PCDHGA2: variants seen among roughly 807,000 people sequenced by gnomAD.
The protein encoded by PCDHGA2 is protocadherin gamma-A2.
In PCDHGA2, 40 loss-of-function variants were observed where a neutral mutation model predicts 59.2. That is an observed-to-expected ratio of 0.68 (90% CI 0.52 to 0.88). The LOEUF (loss-of-function observed/expected upper bound fraction) is 0.88. Among genes scored for constraint, PCDHGA2 ranks in the 40% least tolerant of loss-of-function variants. The pLI is 0.00. For missense variants in PCDHGA2, 1,226 were observed against 1,204.0 expected, an observed-to-expected ratio of 1.02 and a Z score of -0.27; for synonymous variants, 560 against 526.0, an observed-to-expected ratio of 1.06 and a Z score of -0.89.
chr5:141,365,310 T>C (rs1471610081), intron 1 of PCDHGA2: 1 of 1,613,896 alleles, frequency 6.2e-7, no homozygotes, highest in Admixed American at 1.7e-5. Flanking sequence ...GGAGGCGCTC[T>C]TGTTGCCAGC....
At chr5:141,405,114 C>T in intron 1 of PCDHGA2, 1 of 1,613,970 alleles carries the variant, frequency 6.2e-7, no homozygotes, top group Non-Finnish European at 8.5e-7. Flanking sequence ...CACTGGCACT[C>T]CTCGCATCTG....
At position 141,491,265 on chromosome 5, in the gene PCDHGA2, C is replaced by G. The variant is rs868682993; in HGVS notation, c.2425-3542C>G. ...AGGATGAGGACCCTGAGGAAATGCCCAAATCCAGTGACTTCCTCATACACC... is the reference window on the plus strand; with the variant it reads ...AGGATGAGGACCCTGAGGAAATGCCGAAATCCAGTGACTTCCTCATACACC... On this transcript the variant is annotated intron_variant, in intron 1 of 3. Transcript: ENST00000394576. The surrounding 1 kb of genome is among the most constrained non-coding windows in gnomAD (Gnocchi z 6.9). The G allele has an allele frequency of 6.2e-7, 1 of 1,614,074 alleles. No individual in the cohort carries two copies. The highest frequency in any genetic ancestry group is 8.5e-7 in the Non-Finnish European group (1 of 1,179,916).
Position 141,487,892 on chromosome 5 carries a change from T to A in PCDHGA2, c.2425-6915T>A. On this transcript the variant is annotated intron_variant, in intron 1 of 3. Coordinates refer to ENST00000394576, the MANE Select transcript of PCDHGA2 (RefSeq NM_018915.4). The surrounding 1 kb of genome is among the most constrained non-coding windows in gnomAD (Gnocchi z 5.0). The stretch of plus-strand genomic sequence containing the variant: ...GAGCCAGGCTGTTGTGGAAGCATGA[T>A]GATGGAATGTGGGAGCACAGGAGGC... 1 of 731,410 alleles carries A rather than the reference T, an allele frequency of 1.4e-6. No homozygotes were observed. Among genetic ancestry groups the A allele is most frequent in the South Asian group, 1.8e-5 (1 of 54,120 alleles). The allele number at this position is 731,410 out of a possible 1,614,324, so 45.3% of individuals were successfully genotyped here. A position where few individuals can be genotyped will look rare whatever the true frequency, so the allele number is the denominator to read the frequency against.
intron 1 of PCDHGA2, chr5:141,426,795 C>G (rs1214340018): frequency 2.2e-6 from 1 of 456,700 alleles, no homozygotes. Context: ...GAGTTACCAG[C>G]TCAGTTCTAA....
At chr5:141,347,353 CTA>C (rs1243645400) in intron 1 of PCDHGA2, among the ~76,000 whole-genome samples, 3 of 152,030 alleles carry the variant, frequency 2.0e-5, no homozygotes, top group South Asian at 4.2e-4. Flanking sequence ...GGGGCAATTG[CTA>C]TGTTTCCCAG....
chr5:141,491,666 G>A lies in PCDHGA2; in HGVS notation c.2425-3141G>A, dbSNP rs373526771. 9.4e-5 allele frequency: 152 copies of A among 1,613,614 alleles called. No homozygotes were observed. The highest frequency in any genetic ancestry group is 1.2e-4 in the Non-Finnish European group (142 of 1,180,016). The stretch of plus-strand genomic sequence containing the variant: ...CTGGCGCTGGAGCCTGACGCCATCC[G>A]GTCCCGCTCTAATACGCTGCGGGAG... On this transcript the variant is annotated intron_variant, in intron 1 of 3. Coordinates refer to ENST00000394576, the MANE Select transcript of PCDHGA2 (RefSeq NM_018915.4). This position sits in a 1 kb window ranked among gnomAD's most constrained non-coding sequence, Gnocchi z 6.9.
intron 1 of PCDHGA2, chr5:141,383,358 G>C (rs773383689): frequency 8.7e-6 from 14 of 1,613,864 alleles, no homozygotes; most frequent in Middle Eastern, 1.6e-4. Context: ...TTCGGTTTCC[G>C]TTAAGCGAGG....
chr5:141,486,019 T>C lies in PCDHGA2; in HGVS notation c.2425-8788T>C, dbSNP rs2078071. 3.2e-3 allele frequency: 5,143 copies of C among 1,613,986 alleles called. 141 individuals carry two copies. In the South Asian group the frequency reaches 0.046, roughly 14 times the overall value. ...GTGGTAACGTCACCTTTTATTTCAG[T>C]GGTCATACCCCTGATCGTGTAAGAA... On this transcript the variant is annotated intron_variant, in intron 1 of 3. Transcript: ENST00000394576. The surrounding 1 kb of genome is among the most constrained non-coding windows in gnomAD (Gnocchi z 5.0).
In PCDHGA2 at chr5:141,432,272, G is replaced by A. The variant is rs772255343; in HGVS notation, c.2425-62535G>A. On this transcript the variant is annotated intron_variant, in intron 1 of 3. Transcript: ENST00000394576. The surrounding 1 kb of genome is among the most constrained non-coding windows in gnomAD (Gnocchi z 6.0). ...CCAAGGGGCAAGCCTATCGTCCTAC[G>A]TGTCCATCAACTCCGACACTGGGGT... 1 of 1,614,210 alleles carries A rather than the reference G, an allele frequency of 6.2e-7. No individual in the cohort carries two copies. Among genetic ancestry groups the A allele is most frequent in the South Asian group, 1.1e-5 (1 of 91,086 alleles).
chr5:141,369,703 A>C (rs757750981), intron 1 of PCDHGA2, among the ~76,000 whole-genome samples: 1 of 152,372 alleles, frequency 6.6e-6, no homozygotes, highest in East Asian at 1.9e-4. Context: ...AAAAGCTATG[A>C]CATTATAACT....
At chr5:141,389,439 G>C (rs201120335) in intron 1 of PCDHGA2, 1 of 1,610,580 alleles carries the variant, frequency 6.2e-7, no homozygotes, top group Non-Finnish European at 8.5e-7. Flanking sequence ...GCGCGCCTTC[G>C]ACCACGAGCA....
chr5:141,353,771 T>C, intron 1 of PCDHGA2, among the ~76,000 whole-genome samples: 1 of 152,240 alleles, frequency 6.6e-6, no homozygotes, highest in South Asian at 2.1e-4. Flanking sequence ...TTTTAATGCA[T>C]ACTGTCAAAT....
In PCDHGA2 at chr5:141,491,729, C is replaced by T. The variant is rs766649819; in HGVS notation, c.2425-3078C>T. On this transcript the variant is annotated intron_variant, in intron 1 of 3. Coordinates refer to ENST00000394576, the MANE Select transcript of PCDHGA2 (RefSeq NM_018915.4). This position sits in a 1 kb window ranked among gnomAD's most constrained non-coding sequence, Gnocchi z 6.9. ...AGGGGCTCGGCGCCGCCCCGGGCGA[C>T]CCCTGGGGGCGGCACTGGAGAAGCC... 6.1e-5 allele frequency: 98 copies of T among 1,603,832 alleles called. No homozygotes were observed. Among genetic ancestry groups the T allele is most frequent in the Non-Finnish European group, 7.9e-5 (93 of 1,175,848 alleles).
intron 1 of PCDHGA2, among the ~76,000 whole-genome samples, chr5:141,469,170 G>A (rs2099192781): frequency 6.6e-6 from 1 of 152,042 alleles, no homozygotes; most frequent in South Asian, 2.1e-4. Context: ...CAGCTACTTG[G>A]GAGGCTGAGG....
Position 141,431,877 on chromosome 5 carries a change from AC to A in PCDHGA2, c.2425-62928del. 1 of 1,614,230 alleles carries A rather than the reference AC, an allele frequency of 6.2e-7. No individual in the cohort carries two copies. The highest frequency in any genetic ancestry group is 1.3e-5 in the African/African-American group (1 of 75,070). ...TTAATTGCCCTTTTAAATGTAAATGACCAAGATTCTGAGGAAAACGGACAGG... is the reference window on the plus strand; with the variant it reads ...TTAATTGCCCTTTTAAATGTAAATGACAAGATTCTGAGGAAAACGGACAGG... On this transcript the variant is annotated intron_variant, in intron 1 of 3. Coordinates refer to ENST00000394576, the MANE Select transcript of PCDHGA2 (RefSeq NM_018915.4). The surrounding 1 kb of genome is among the most constrained non-coding windows in gnomAD (Gnocchi z 4.8).
chr5:141,400,236 G>C (rs1195592972), intron 1 of PCDHGA2: 6 of 1,613,868 alleles, frequency 3.7e-6, no homozygotes, highest in African/African-American at 1.3e-5. Flanking sequence ...TCCTGGCCGT[G>C]ATTCTGGCCG....
Position 141,487,622 on chromosome 5 carries a change from C to A in PCDHGA2, c.2425-7185C>A. 1 of 1,614,174 alleles carries A rather than the reference C, an allele frequency of 6.2e-7. No homozygotes were observed. Among genetic ancestry groups the A allele is most frequent in the Non-Finnish European group, 8.5e-7 (1 of 1,180,030 alleles). ...TCTTCTCTATGGGCTAGAGGTGAGACCTTTGCAGGCTCAACAAATGCTTGA... is the reference window on the plus strand; with the variant it reads ...TCTTCTCTATGGGCTAGAGGTGAGAACTTTGCAGGCTCAACAAATGCTTGA... On this transcript the variant is annotated intron_variant, in intron 1 of 3. Transcript: ENST00000394576. The surrounding 1 kb of genome is among the most constrained non-coding windows in gnomAD (Gnocchi z 5.0).
intron 1 of PCDHGA2, chr5:141,377,170 T>C (rs1773747669): frequency 1.3e-5 from 2 of 152,264 alleles, no homozygotes; most frequent in Non-Finnish European, 2.9e-5. Context: ...TTTACCTTTC[T>C]CTTCTTGGCA....
chr5:141,501,664 TATAG>T (rs1161034391), intron 2 of PCDHGA2, among the ~76,000 whole-genome samples: 1 of 152,064 alleles, frequency 6.6e-6, no homozygotes, highest in East Asian at 1.9e-4. Flanking sequence ...TGTTGGAAAA[TATAG>T]ATAATCACAA....
Sources: gnomAD v4.1 joint callset for allele counts (sites outside exome capture counted in the v4.1 genomes callset) on GRCh38, gnomAD v4.1.1 for gene constraint, Gnocchi (gnomAD v3.1) non-coding constraint, MANE v1.5 for transcripts, NCBI Gene and HGNC (gene_info 2026-07-23, HGNC 2026-07-21) for gene names.